The following MDN1 variants were observed in gnomAD, a reference collection of about 807,000 sequenced individuals.
The protein encoded by MDN1 is midasin AAA ATPase 1, also known as midasin.
MDN1 carries 266 observed loss-of-function variants against 669.2 expected under a neutral mutation model. The observed-to-expected ratio is 0.40, with a 90% CI of 0.36 to 0.44. The LOEUF (loss-of-function observed/expected upper bound fraction) is 0.44, where lower values mean the gene tolerates loss of function less well. MDN1 is among the 20% of genes least tolerant of loss of function. The pLI is 1.00. For missense variants in MDN1, 5,940 were observed against 6,754.0 expected (o/e 0.88, Z 4.22); for synonymous variants, 2,385 against 2,457.1 (o/e 0.97, Z 0.87).
chr6:89,647,595 G>A (rs2128297612), intron 99 of MDN1, among the ~76,000 whole-genome samples: 2 of 152,322 alleles, frequency 1.3e-5, no homozygotes, highest in South Asian at 4.1e-4. Flanking sequence ...TATAATGGAT[G>A]CTAAGGAAGC....
At chr6:89,687,065 T>C (rs1812064622) in intron 68 of MDN1, 42 bp from the exon 69 acceptor site, 2 of 1,602,614 alleles carry the variant, frequency 1.2e-6, no homozygotes, top group East Asian at 2.2e-5. Flanking sequence ...GGAAAACCTA[T>C]TTGAAATATC....
intron 31 of MDN1, among the ~76,000 whole-genome samples, chr6:89,741,127 G>A (rs1816275900): frequency 1.3e-5 from 2 of 152,174 alleles, no homozygotes; most frequent in Non-Finnish European, 1.5e-5. Flanking sequence ...AGCTACTCGG[G>A]AGGCTGAGGC....
intron 33 of MDN1, 49 bp downstream of exon 33, chr6:89,738,277 C>T: frequency 6.3e-7 from 1 of 1,599,288 alleles, no homozygotes; most frequent in East Asian, 2.2e-5. Context: ...ACTCCCAACA[C>T]AAACCCTTCT....
chr6:89,709,472 T>C (rs961184437), intron 50 of MDN1, among the ~76,000 whole-genome samples: 3 of 152,180 alleles, frequency 2.0e-5, no homozygotes, highest in African/African-American at 4.8e-5. Context: ...GCTGCTACTG[T>C]AGAACTGTGT....
rs149359389 is a variant in MDN1, at chr6:89,653,113, T to G, written c.15704A>C (p.Glu5235Ala). 6.4e-5 allele frequency: 104 copies of G among 1,614,060 alleles called. No individual in the cohort carries two copies. The African/African-American group carries it at 1.2e-3, about 19-fold the overall frequency. ...MEVEIQTVKT[E>A]EDQDPRTDKA... is the part of the protein sequence containing the mutation. Reference sequence around the variant, plus strand: ...GTCTGTTCTGGGGTCTTGGTCTTCCTCTGTTTTAACAGTTTGGATCTCCAC... The same window carrying G: ...GTCTGTTCTGGGGTCTTGGTCTTCCGCTGTTTTAACAGTTTGGATCTCCAC... Residue 5235 changes from glutamate (E) to alanine (A), a missense_variant, in exon 94 of 102, where the codon GAG becomes GCG. Physicochemically the swap from Glu to Ala is moderately radical, Grantham distance 107 (BLOSUM62 -1). Coordinates refer to ENST00000369393, the MANE Select transcript of MDN1 (RefSeq NM_014611.3).
chr6:89,704,258 G>A (rs1320884694), intron 53 of MDN1, among the ~76,000 whole-genome samples: 2 of 152,088 alleles, frequency 1.3e-5, no homozygotes, highest in Non-Finnish European at 2.9e-5. Flanking sequence ...GCACGTGCCT[G>A]TAGTCCTGGC....
Position 89,683,911 on chromosome 6 carries a change from G to C in MDN1, c.11830-7C>G, listed in dbSNP as rs1294052316. On this transcript the variant is annotated splice_region_variant and splice_polypyrimidine_tract_variant and intron_variant, in intron 71 of 101. Coordinates refer to ENST00000369393, the MANE Select transcript of MDN1 (RefSeq NM_014611.3). ...TGGAAATCTTAACAAATTCCTGTAA[G>C]ATAAATGATGTTCAAGAAATGGCTT... The C allele has an allele frequency of 3.7e-6, 6 of 1,604,154 alleles. No individual in the cohort carries two copies. Among genetic ancestry groups the C allele is most frequent in the Non-Finnish European group, 5.1e-6 (6 of 1,171,768 alleles).
intron 7 of MDN1, among the ~76,000 whole-genome samples, chr6:89,788,783 G>A (rs1819102021): frequency 6.6e-6 from 1 of 152,192 alleles, no homozygotes; most frequent in African/African-American, 2.4e-5. Flanking sequence ...AAGAGAGATA[G>A]GTAGACAAAA....
chr6:89,646,881 G>A (rs578031992), intron 99 of MDN1, among the ~76,000 whole-genome samples: 36 of 152,230 alleles, frequency 2.4e-4, no homozygotes, highest in African/African-American at 7.7e-4. Flanking sequence ...CTGCAGCCTC[G>A]ATTCCTGGGC....
At chr6:89,759,406 C>T (rs1817418910) in intron 17 of MDN1, among the ~76,000 whole-genome samples, 1 of 152,196 alleles carries the variant, frequency 6.6e-6, no homozygotes, top group Non-Finnish European at 1.5e-5. Context: ...GGCTTTAGTA[C>T]ACTGGTGTTA....
chr6:89,709,109 C>T lies in MDN1; in HGVS notation c.7766-481G>A, dbSNP rs534862848. On this transcript the variant is annotated intron_variant, in intron 50 of 101. Transcript: ENST00000369393. Reference sequence around the variant, plus strand: ...CTCTATAATCAGAATGTGGCTGCTGCTGCCCCACAATCCTCTGGCTCACAC... The same window carrying T: ...CTCTATAATCAGAATGTGGCTGCTGTTGCCCCACAATCCTCTGGCTCACAC... Among the ~76,000 whole-genome samples the T allele has an allele frequency of 2.2e-3, 342 of 152,248 alleles. 1 individual carries two copies. The highest frequency in any genetic ancestry group is 7.9e-3 in the African/African-American group (330 of 41,552).
chr6:89,718,683 T>C, intron 42 of MDN1, 56 bp from the exon 43 acceptor site: 3 of 1,607,400 alleles, frequency 1.9e-6, no homozygotes, highest in South Asian at 2.2e-5. Flanking sequence ...CTGTTATCTG[T>C]ACTCATCACC....
chr6:89,668,210 T>C, intron 83 of MDN1, 59 bp from the exon 84 acceptor site: 1 of 1,595,612 alleles, frequency 6.3e-7, no homozygotes, highest in South Asian at 1.1e-5. Flanking sequence ...TAAAAGGAGA[T>C]TTCATTCTTG....
chr6:89,658,322 C>G lies in MDN1; in HGVS notation c.15070G>C (p.Ala5024Pro). 1 of 1,614,150 alleles carries G rather than the reference C, an allele frequency of 6.2e-7. No individual in the cohort carries two copies. Among genetic ancestry groups the G allele is most frequent in the South Asian group, 1.1e-5 (1 of 91,084 alleles). Reference sequence around the variant, plus strand: ...GAGGCATGCTCCTTCCTCTCCAAAGCCTCTGGCACCTGCTCCTCTGTATCA... The same window carrying G: ...GAGGCATGCTCCTTCCTCTCCAAAGGCTCTGGCACCTGCTCCTCTGTATCA... ...DSDTEEQVPE[A>P]LERKEHASCG... Residue 5024 changes from alanine (A) to proline (P), a missense_variant, in exon 90 of 102, where the codon GCT becomes CCT. Ala to Pro is a conservative substitution (Grantham distance 27). Transcript: ENST00000369393.
Position 89,781,501 on chromosome 6 carries a change from C to G in MDN1, c.1541G>C (p.Trp514Ser), listed in dbSNP as rs565144168. Residue 514 changes from tryptophan to serine, a missense_variant, in exon 10 of 102, where the codon TGG (tryptophan) becomes TCG (serine). Trp to Ser is a radical substitution (Grantham distance 177). Coordinates refer to ENST00000369393, the MANE Select transcript of MDN1 (RefSeq NM_014611.3). ...IQLTGEKHHS[W>S]SDSSVGCEQA... ...TTCACATCCAACAGAACTATCACTC[C>G]AAGAGTGATGTTTCTCTCCAGTAAG... 1 of 1,613,072 alleles carries G rather than the reference C, an allele frequency of 6.2e-7. No homozygotes were observed. The highest frequency in any genetic ancestry group is 2.2e-5 in the East Asian group (1 of 44,886).
At chr6:89,746,578 A>G (rs1400277729) in intron 27 of MDN1, among the ~76,000 whole-genome samples, 21 of 137,522 alleles carry the variant, frequency 1.5e-4, no homozygotes, top group Non-Finnish European at 2.4e-4. Context: ...TGGGCTACAG[A>G]GGGAGACTCT....
rs767900653 is a variant in MDN1, at chr6:89,662,095, T to G, written c.14557A>C (p.Ile4853Leu). 1 of 1,611,858 alleles carries G rather than the reference T, an allele frequency of 6.2e-7. No individual in the cohort carries two copies. The highest frequency in any genetic ancestry group is 8.5e-7 in the Non-Finnish European group (1 of 1,179,422). ...TTTCAAATCTTCATTACCTCATCTA[T>G]TTGTTCATTAATTTTGTCTTCACCT... is the stretch of plus-strand genomic sequence containing the variant. ...GQGEDKINEQ[I>L]DERDYDENEV... Residue 4853 changes from isoleucine (I) to leucine (L), a missense_variant, in exon 87 of 102, where the codon ATA becomes CTA. Ile to Leu is a conservative substitution (Grantham distance 5). Coordinates refer to ENST00000369393, the MANE Select transcript of MDN1 (RefSeq NM_014611.3).
In MDN1 at chr6:89,745,507, C is replaced by T. The variant is rs764187999; in HGVS notation, c.4024G>A (p.Val1342Ile). The change falls in exon 28 of 102, where the codon GTT becomes ATT. Residue 1342 changes from valine to isoleucine, a missense_variant. Val to Ile is a conservative substitution (Grantham distance 29). Coordinates refer to ENST00000369393, the MANE Select transcript of MDN1 (RefSeq NM_014611.3). ...CPQSLFSKEN[V>I]LKLLGKLSTQ... ...GCCTACTCACCCAGCAATTTTAGAACATTTTCTTTGGAGAAAAGAGATTGA... is the reference window on the plus strand; with the variant it reads ...GCCTACTCACCCAGCAATTTTAGAATATTTTCTTTGGAGAAAAGAGATTGA... 9.9e-6 allele frequency: 16 copies of T among 1,613,956 alleles called. No individual in the cohort carries two copies. Among genetic ancestry groups the T allele is most frequent in the South Asian group, 9.9e-5 (9 of 91,076 alleles).
At chr6:89,767,220 C>T (rs955892258) in intron 15 of MDN1, among the ~76,000 whole-genome samples, 1 of 152,092 alleles carries the variant, frequency 6.6e-6, no homozygotes, top group Non-Finnish European at 1.5e-5. Flanking sequence ...CTACATGCTG[C>T]TTACCAGAAG....
Sources: gnomAD v4.1 joint callset for allele counts (sites outside exome capture counted in the v4.1 genomes callset) on GRCh38, gnomAD v4.1.1 for gene constraint, MANE v1.5 for transcripts, NCBI Gene and HGNC (gene_info 2026-07-23, HGNC 2026-07-21) for gene names.